Variants in KIZ observed in about 807,000 individuals in gnomAD.
KIZ encodes centrosomal protein kizuna.
In KIZ, 68 loss-of-function variants were observed where a neutral mutation model predicts 79.6. The observed-to-expected ratio is 0.85, with a 90% CI of 0.70 to 1.05. The LOEUF (loss-of-function observed/expected upper bound fraction) is 1.05, where lower values mean the gene tolerates loss of function less well. Ranked by LOEUF, KIZ falls within the 50% of genes least tolerant of loss-of-function variation. KIZ has a pLI of 0.00. For synonymous variants in KIZ, 280 were observed against 281.8 expected, an observed-to-expected ratio of 0.99 and a Z score of 0.06; for missense variants, 797 against 800.4, an observed-to-expected ratio of 1.00 and a Z score of 0.05.
intron 4 of KIZ, among the ~76,000 whole-genome samples, chr20:21,149,743 C>T (rs1485124064): frequency 1.3e-5 from 2 of 152,158 alleles, no homozygotes; most frequent in Admixed American, 1.3e-4. Flanking sequence ...CACTGTAGGA[C>T]CTGGCTCATC....
At chr20:21,209,575 A>AC (rs1293571950) in intron 7 of KIZ, among the ~76,000 whole-genome samples, 1 of 69,470 alleles carries the variant, frequency 1.4e-5, no homozygotes, top group African/African-American at 7.4e-5. Flanking sequence ...ATATCTTCTC[A>AC]TTTAAAAAAA....
At chr20:21,200,981 A>T (rs2035574543) in intron 6 of KIZ, among the ~76,000 whole-genome samples, 2 of 152,148 alleles carry the variant, frequency 1.3e-5, no homozygotes, top group South Asian at 4.2e-4. Context: ...GGAGTTCGAG[A>T]CCAGCCTGGG....
At chr20:21,130,303 G>T (rs1168597504) in intron 1 of KIZ, among the ~76,000 whole-genome samples, 1 of 152,188 alleles carries the variant, frequency 6.6e-6, no homozygotes, top group Non-Finnish European at 1.5e-5. Flanking sequence ...CTCATTACCA[G>T]ACTGCAGTCG....
intron 6 of KIZ, among the ~76,000 whole-genome samples, chr20:21,168,040 TAGG>T (rs956214335): frequency 5.9e-5 from 9 of 152,142 alleles, no homozygotes; most frequent in African/African-American, 1.9e-4. Context: ...CATTTAACAT[TAGG>T]TATATCTCCA....
chr20:21,163,773 T>G (rs528284690), intron 6 of KIZ, among the ~76,000 whole-genome samples: 1 of 152,348 alleles, frequency 6.6e-6, no homozygotes, highest in African/African-American at 2.4e-5. Context: ...ATTATCCGAC[T>G]GATAAAAATT....
rs1221214988 is a variant in KIZ, at chr20:21,161,991, G to A, written c.526G>A (p.Glu176Lys). 6.2e-7 allele frequency: 1 copy of A among 1,613,852 alleles called. No homozygotes were observed. Among genetic ancestry groups the A allele is most frequent in the South Asian group, 1.1e-5 (1 of 91,092 alleles). ...CTTAAGCATGAGAGATTTCAGTACA[G>A]AGCACAAATCTCCCCAGCCCACAAA... ...AILSMRDFST[E>K]HKSPQPTKNF... The change falls in exon 5 of 13, where the codon GAG becomes AAG. Residue 176 changes from glutamate (E) to lysine (K), a missense_variant. Physicochemically the swap from Glu to Lys is moderately conservative, Grantham distance 56 (BLOSUM62 1). Coordinates refer to ENST00000619189, the MANE Select transcript of KIZ (RefSeq NM_018474.6).
At chr20:21,216,499 T>A (rs2036300148) in intron 9 of KIZ, among the ~76,000 whole-genome samples, 1 of 152,228 alleles carries the variant, frequency 6.6e-6, no homozygotes. Flanking sequence ...TGATGAACTC[T>A]GGTTTTGAAA....
intron 6 of KIZ, among the ~76,000 whole-genome samples, chr20:21,164,183 A>G (rs1039076649): frequency 1.3e-5 from 2 of 152,234 alleles, no homozygotes; most frequent in African/African-American, 2.4e-5. Context: ...TTTGTACGGC[A>G]TATGTTCTCT....
chr20:21,155,267 T>C (rs1264382848), intron 4 of KIZ, among the ~76,000 whole-genome samples: 1 of 152,178 alleles, frequency 6.6e-6, no homozygotes, highest in Non-Finnish European at 1.5e-5. Context: ...GGACACAATT[T>C]ACATGTTCTC....
chr20:21,136,517 T>C lies in KIZ; in HGVS notation c.280T>C (p.Phe94Leu). 6.3e-7 allele frequency: 1 copy of C among 1,591,850 alleles called. No individual in the cohort carries two copies. The highest frequency in any genetic ancestry group is 8.5e-7 in the Non-Finnish European group (1 of 1,170,524). Residue 94 changes from phenylalanine (F) to leucine (L), a missense_variant, in exon 3 of 13, where the codon TTC (phenylalanine) becomes CTC (leucine). Coordinates refer to ENST00000619189, the MANE Select transcript of KIZ (RefSeq NM_018474.6). ...GCGTGTCCAAGCTCATGTTGTACAC[T>C]TCACCACAAATACAGAGAAGCTTCA... ...FERVQAHVVH[F>L]TTNTEKLQKL...
chr20:21,186,051 T>G (rs2034865806), intron 6 of KIZ, among the ~76,000 whole-genome samples: 1 of 152,178 alleles, frequency 6.6e-6, no homozygotes, highest in South Asian at 2.1e-4. Context: ...GTTGCTGATC[T>G]CGACAGATTC....
In KIZ at chr20:21,126,168, A is replaced by G. The variant is rs2031449185; in HGVS notation, c.53A>G (p.Glu18Gly). Residue 18 changes from glutamate (E) to glycine (G), a missense_variant, in exon 1 of 13, where the codon GAG becomes GGG. Coordinates refer to ENST00000619189, the MANE Select transcript of KIZ (RefSeq NM_018474.6). ...AVPLSSPDYY[E>G]RLGQLQHGLR... Reference sequence around the variant, plus strand: ...CCCCTGTCGAGTCCCGACTACTACGAGAGGCTGGGCCAACTCCAGCACGGG... The same window carrying G: ...CCCCTGTCGAGTCCCGACTACTACGGGAGGCTGGGCCAACTCCAGCACGGG... 8.0e-6 allele frequency: 12 copies of G among 1,509,018 alleles called. No homozygotes were observed. The highest frequency in any genetic ancestry group is 1.1e-5 in the Non-Finnish European group (12 of 1,127,334). 93.5% of individuals were successfully genotyped at this position (1,509,018 alleles called of 1,614,324 possible). A position where few individuals can be genotyped will look rare whatever the true frequency, so the allele number is the denominator to read the frequency against.
intron 4 of KIZ, among the ~76,000 whole-genome samples, chr20:21,155,856 C>A (rs1030929649): frequency 6.6e-6 from 1 of 152,112 alleles, no homozygotes; most frequent in Non-Finnish European, 1.5e-5. Flanking sequence ...TAATGCTCTA[C>A]GTGAACTTGT....
At chr20:21,159,252 C>T (rs991513970) in intron 4 of KIZ, among the ~76,000 whole-genome samples, 1 of 152,044 alleles carries the variant, frequency 6.6e-6, no homozygotes, top group Non-Finnish European at 1.5e-5. Context: ...TTCCTGGGCT[C>T]AAGCAATCCT....
At chr20:21,224,937 ACTTT>A in intron 9 of KIZ, among the ~76,000 whole-genome samples, 1 of 152,072 alleles carries the variant, frequency 6.6e-6, no homozygotes, top group East Asian at 1.9e-4. Flanking sequence ...GCATGTTTTC[ACTTT>A]CTTTCTGTAG....
intron 4 of KIZ, among the ~76,000 whole-genome samples, chr20:21,151,179 T>C (rs1156971639): frequency 2.0e-5 from 3 of 152,232 alleles, no homozygotes; most frequent in African/African-American, 4.8e-5. Flanking sequence ...GTAAGTGGCA[T>C]ACTGGTCTGG....
chr20:21,142,978 C>CA (rs1003761953), intron 3 of KIZ, among the ~76,000 whole-genome samples: 4 of 152,126 alleles, frequency 2.6e-5, no homozygotes, highest in Non-Finnish European at 5.9e-5. Flanking sequence ...CCCTGGAGGG[C>CA]AAAGTGTGTA....
chr20:21,188,455 G>A (rs1038811298), intron 6 of KIZ, among the ~76,000 whole-genome samples: 6 of 152,136 alleles, frequency 3.9e-5, no homozygotes, highest in Non-Finnish European at 5.9e-5. Context: ...TCTGAAGGCT[G>A]CCATGTCACA....
At chr20:21,219,093 A>G (rs1568988635) in intron 9 of KIZ, among the ~76,000 whole-genome samples, 1 of 152,126 alleles carries the variant, frequency 6.6e-6, no homozygotes. Flanking sequence ...GTGAAGTCAT[A>G]CCTTTATCAG....
Sources: allele counts gnomAD v4.1 joint callset (sites outside exome capture counted in the v4.1 genomes callset), GRCh38; gene constraint gnomAD v4.1.1; transcripts MANE v1.5; gene names NCBI Gene and HGNC (gene_info 2026-07-23, HGNC 2026-07-21).